Variants in GPC6 observed in about 807,000 individuals in gnomAD.
GPC6 encodes the protein glypican 6, also known as glypican-6.
GPC6 carries 14 observed loss-of-function variants against 55.2 expected under a neutral mutation model. The observed-to-expected ratio is 0.25, with a 90% CI of 0.17 to 0.40. GPC6 has a LOEUF of 0.40. Ranked by LOEUF, GPC6 falls within the 10% of genes least tolerant of loss-of-function variation. The pLI is 1.00. For missense variants in GPC6, 641 were observed against 708.5 expected (o/e 0.90, Z 1.08); for synonymous variants, 278 against 259.6 (o/e 1.07, Z -0.68).
intron 6 of GPC6, among the ~76,000 whole-genome samples, chr13:94,373,176 C>T (rs970837278): frequency 4.6e-5 from 7 of 152,228 alleles, no homozygotes; most frequent in East Asian, 1.9e-4. Flanking sequence ...TCCAAAGGAA[C>T]GCAGTTCCTC....
intron 1 of GPC6, among the ~76,000 whole-genome samples, chr13:93,382,643 T>C (rs759507480): frequency 3.3e-5 from 5 of 152,208 alleles, no homozygotes; most frequent in Admixed American, 1.3e-4. Flanking sequence ...CAAATAATCT[T>C]ATAAAGACAT....
chr13:94,269,303 C>T (rs1030508130), intron 4 of GPC6, among the ~76,000 whole-genome samples: 2 of 152,202 alleles, frequency 1.3e-5, no homozygotes, highest in Non-Finnish European at 2.9e-5. Context: ...CTAGATAATG[C>T]TGTCCCCATG....
intron 2 of GPC6, among the ~76,000 whole-genome samples, chr13:93,597,027 A>AG (rs949419041): frequency 6.8e-5 from 10 of 146,922 alleles, no homozygotes; most frequent in African/African-American, 2.6e-4. Flanking sequence ...AAAAAAAAAA[A>AG]AAAGAAAAGA....
At chr13:94,059,846 C>T (rs1262189343) in intron 4 of GPC6, among the ~76,000 whole-genome samples, 5 of 151,914 alleles carry the variant, frequency 3.3e-5, no homozygotes, top group Non-Finnish European at 7.4e-5. Flanking sequence ...CCAAAGGCCC[C>T]ACCTCCTAAT....
intron 4 of GPC6, among the ~76,000 whole-genome samples, chr13:94,066,243 A>G (rs1884511543): frequency 6.6e-6 from 1 of 152,184 alleles, no homozygotes; most frequent in Non-Finnish European, 1.5e-5. Context: ...TTGGATTTGT[A>G]CAGCCTTATT....
chr13:93,384,396 T>A (rs184238947), intron 1 of GPC6, among the ~76,000 whole-genome samples: 5,049 of 150,488 alleles, frequency 0.034, 267 homozygotes, highest in African/African-American at 0.11. Flanking sequence ...TTTTTTTTTT[T>A]AAAAAAAAGG....
At chr13:93,863,226 G>C (rs558641771) in intron 3 of GPC6, among the ~76,000 whole-genome samples, 2 of 151,680 alleles carry the variant, frequency 1.3e-5, no homozygotes, top group South Asian at 4.2e-4. Flanking sequence ...GTCTGTTTTT[G>C]TAAATGACAT....
At chr13:94,369,145 G>A (rs891181544) in intron 6 of GPC6, among the ~76,000 whole-genome samples, 3 of 151,968 alleles carry the variant, frequency 2.0e-5, no homozygotes, top group African/African-American at 7.3e-5. Flanking sequence ...CTAAAGATAT[G>A]GTATATATTA....
At chr13:94,062,132 A>C (rs1214194152) in intron 4 of GPC6, among the ~76,000 whole-genome samples, 1 of 151,394 alleles carries the variant, frequency 6.6e-6, no homozygotes, top group Non-Finnish European at 1.5e-5. Flanking sequence ...AGAAACTAAT[A>C]TTTTTTTTTC....
At chr13:93,507,712 A>C (rs1880789551) in intron 1 of GPC6, among the ~76,000 whole-genome samples, 1 of 152,182 alleles carries the variant, frequency 6.6e-6, no homozygotes, top group Non-Finnish European at 1.5e-5. Context: ...TCAAAAAATT[A>C]CTTTTCCTGT....
chr13:93,363,138 A>T (rs11840040), intron 1 of GPC6, among the ~76,000 whole-genome samples: 49,286 of 112,054 alleles, frequency 0.44, 8,974 homozygotes, highest in East Asian at 0.79. Flanking sequence ...TGTTTTTTTT[A>T]AAATTATTAT....
intron 1 of GPC6, among the ~76,000 whole-genome samples, chr13:93,373,418 A>G (rs532774453): frequency 6.6e-5 from 10 of 152,304 alleles, no homozygotes; most frequent in African/African-American, 1.9e-4. Flanking sequence ...CTAAACAGGG[A>G]TCTAATTCAG....
chr13:93,402,429 T>C (rs559098637), intron 1 of GPC6, among the ~76,000 whole-genome samples: 1 of 152,272 alleles, frequency 6.6e-6, no homozygotes, highest in East Asian at 1.9e-4. Flanking sequence ...TTCTAATCTG[T>C]AAAAGCAGGC....
intron 3 of GPC6, among the ~76,000 whole-genome samples, chr13:93,882,439 C>T (rs1449461048): frequency 6.6e-6 from 1 of 152,092 alleles, no homozygotes; most frequent in Non-Finnish European, 1.5e-5. Context: ...GCCACCGTGC[C>T]TGGGCAGTTT....
chr13:94,271,417 T>C (rs1028619177), intron 4 of GPC6, among the ~76,000 whole-genome samples: 5 of 147,798 alleles, frequency 3.4e-5, no homozygotes, highest in African/African-American at 1.3e-4. Context: ...CACTCCATCA[T>C]GCCCACTTCT....
chr13:93,448,191 C>A (rs964102672), intron 1 of GPC6, among the ~76,000 whole-genome samples: 5 of 152,056 alleles, frequency 3.3e-5, no homozygotes, highest in Admixed American at 1.3e-4. Flanking sequence ...CAAGGATGAA[C>A]CACATATGTG....
chr13:93,759,963 T>C (rs1403755615), intron 2 of GPC6, among the ~76,000 whole-genome samples: 3 of 150,802 alleles, frequency 2.0e-5, no homozygotes, highest in Admixed American at 6.6e-5. Flanking sequence ...GATACCCTGT[T>C]TAAGTAATGC....
chr13:93,726,576 A>G (rs1209950516), intron 2 of GPC6, among the ~76,000 whole-genome samples: 1 of 151,644 alleles, frequency 6.6e-6, no homozygotes, highest in Non-Finnish European at 1.5e-5. Context: ...AGATCTGCAA[A>G]TCTGTAACAT....
intron 4 of GPC6, among the ~76,000 whole-genome samples, chr13:94,059,229 T>C (rs1444558279): frequency 2.0e-5 from 3 of 152,022 alleles, no homozygotes; most frequent in Non-Finnish European, 4.4e-5. Flanking sequence ...TTTTTTTTTT[T>C]CAGTAATCAG....
Sources: allele counts gnomAD v4.1 joint callset (sites outside exome capture counted in the v4.1 genomes callset), GRCh38; gene constraint gnomAD v4.1.1; transcripts MANE v1.5; gene names NCBI Gene and HGNC (gene_info 2026-07-23, HGNC 2026-07-21).